Variants in SLC24A3 observed in about 807,000 individuals in gnomAD.
SLC24A3 encodes sodium/potassium/calcium exchanger 3.
A neutral mutation model predicts 75.8 loss-of-function variants in SLC24A3; 28 were observed. That is an observed-to-expected ratio of 0.37 (90% CI 0.27 to 0.51). SLC24A3 has a LOEUF of 0.51. Among genes scored for constraint, SLC24A3 ranks in the 20% least tolerant of loss-of-function variants. The pLI, the probability that SLC24A3 is intolerant of heterozygous loss-of-function variation, is 0.94. For missense variants in SLC24A3, 663 were observed against 847.8 expected, an observed-to-expected ratio of 0.78 and a Z score of 2.71; for synonymous variants, 372 against 334.1, an observed-to-expected ratio of 1.11 and a Z score of -1.24.
chr20:19,377,732 C>T (rs1046870343), intron 2 of SLC24A3, among the ~76,000 whole-genome samples: 1 of 152,206 alleles, frequency 6.6e-6, no homozygotes, highest in African/African-American at 2.4e-5. Flanking sequence ...TCAGTCAGTT[C>T]ATTTCAAAAG....
chr20:19,471,119 G>A (rs769571408), intron 2 of SLC24A3, among the ~76,000 whole-genome samples: 71 of 152,262 alleles, frequency 4.7e-4, no homozygotes, highest in Middle Eastern at 3.4e-3. Flanking sequence ...TGACGTTTTG[G>A]GGTAGAGATG....
intron 2 of SLC24A3, among the ~76,000 whole-genome samples, chr20:19,375,818 T>C (rs2122363690): frequency 6.6e-6 from 1 of 152,276 alleles, no homozygotes; most frequent in East Asian, 1.9e-4. Flanking sequence ...GCCTTGAAAA[T>C]CAGAGAAGCT....
intron 2 of SLC24A3, among the ~76,000 whole-genome samples, chr20:19,343,937 C>G (rs112776521): frequency 3.6e-4 from 55 of 152,222 alleles, no homozygotes; most frequent in African/African-American, 1.3e-3. Flanking sequence ...TTTTCTAAAG[C>G]CATCGGGTGA....
At chr20:19,696,940 AGG>A in intron 14 of SLC24A3, 29 bp downstream of exon 14, 1 of 558,914 alleles carries the variant, frequency 1.8e-6, no homozygotes. Flanking sequence ...ATGGGGAAGG[AGG>A]GAGGGAGGGA....
At chr20:19,712,768 T>C (rs547055512) in intron 15 of SLC24A3, among the ~76,000 whole-genome samples, 2 of 152,350 alleles carry the variant, frequency 1.3e-5, no homozygotes, top group East Asian at 1.9e-4. Flanking sequence ...AACAGGAGCA[T>C]AATTAAACAC....
chr20:19,697,022 G>A, intron 14 of SLC24A3, 111 bp downstream of exon 14: 1 of 560,954 alleles, frequency 1.8e-6, no homozygotes, highest in Non-Finnish European at 3.2e-6. Context: ...GAGAAAGGGA[G>A]GGAGAAGAGA....
At chr20:19,425,552 C>T (rs1181902058) in intron 2 of SLC24A3, among the ~76,000 whole-genome samples, 1 of 152,176 alleles carries the variant, frequency 6.6e-6, no homozygotes, top group Admixed American at 6.5e-5. Context: ...CCCGTTGCAT[C>T]GGTTCCAGAG....
chr20:19,447,514 G>T (rs1211806603), intron 2 of SLC24A3, among the ~76,000 whole-genome samples: 1 of 152,060 alleles, frequency 6.6e-6, no homozygotes, highest in East Asian at 1.9e-4. Flanking sequence ...TTGTTCAATA[G>T]AATAAAGTGG....
intron 2 of SLC24A3, among the ~76,000 whole-genome samples, chr20:19,360,354 C>G (rs943544916): frequency 6.6e-6 from 1 of 152,238 alleles, no homozygotes; most frequent in Non-Finnish European, 1.5e-5. Context: ...CTGTGAATAT[C>G]TCAAAACTTT....
chr20:19,341,261 A>T (rs1985266802), intron 2 of SLC24A3, among the ~76,000 whole-genome samples: 1 of 152,216 alleles, frequency 6.6e-6, no homozygotes, highest in Non-Finnish European at 1.5e-5. Flanking sequence ...AGAAGTTCTC[A>T]GGGGCTTGTG....
At chr20:19,289,019 A>C (rs530677454) in intron 2 of SLC24A3, among the ~76,000 whole-genome samples, 1 of 152,244 alleles carries the variant, frequency 6.6e-6, no homozygotes, top group Admixed American at 6.5e-5. Context: ...AGGCTCTGTG[A>C]CAGTTGCCTC....
intron 7 of SLC24A3, among the ~76,000 whole-genome samples, chr20:19,664,172 G>A (rs1462898807): frequency 1.3e-5 from 2 of 152,158 alleles, no homozygotes; most frequent in East Asian, 1.9e-4. Flanking sequence ...TCAATTAATA[G>A]AAAATGTTTT....
intron 2 of SLC24A3, among the ~76,000 whole-genome samples, chr20:19,495,534 A>G (rs929838471): frequency 1.3e-4 from 20 of 152,210 alleles, no homozygotes; most frequent in African/African-American, 4.8e-4. Flanking sequence ...CAGGCTTGTT[A>G]AAATATTAGA....
chr20:19,329,174 T>C (rs945328961), intron 2 of SLC24A3, among the ~76,000 whole-genome samples: 2 of 152,108 alleles, frequency 1.3e-5, no homozygotes, highest in Non-Finnish European at 2.9e-5. Context: ...TCTTTTTAGT[T>C]TTGCTACAGA....
At chr20:19,490,263 A>G (rs748109016) in intron 2 of SLC24A3, among the ~76,000 whole-genome samples, 2 of 152,152 alleles carry the variant, frequency 1.3e-5, no homozygotes, top group Non-Finnish European at 2.9e-5. Flanking sequence ...CATGGCCCCT[A>G]GGGAATTGAA....
At chr20:19,264,153 CCT>C (rs1983084628) in intron 1 of SLC24A3, 2 of 143,132 alleles carry the variant, frequency 1.4e-5, no homozygotes, top group Admixed American at 1.5e-4. Flanking sequence ...AAAGCAAGAC[CCT>C]GTCAAAAAAA....
At chr20:19,293,265 G>A (rs116623213) in intron 2 of SLC24A3, among the ~76,000 whole-genome samples, 1,862 of 152,240 alleles carry the variant, frequency 0.012, 43 homozygotes, top group African/African-American at 0.043. Flanking sequence ...TAACGCAGCT[G>A]CACCTCCCCA....
chr20:19,395,218 A>G (rs75258067), intron 2 of SLC24A3, among the ~76,000 whole-genome samples: 9 of 152,224 alleles, frequency 5.9e-5, no homozygotes, highest in Non-Finnish European at 1.0e-4. Flanking sequence ...TGTAATGGTC[A>G]TAGAGTTTCA....
chr20:19,433,662 A>G (rs1987143531), intron 2 of SLC24A3, among the ~76,000 whole-genome samples: 1 of 152,248 alleles, frequency 6.6e-6, no homozygotes, highest in African/African-American at 2.4e-5. Flanking sequence ...TAGAAAATGT[A>G]AAGTATGGTA....
Sources: gnomAD v4.1 joint callset for allele counts (sites outside exome capture counted in the v4.1 genomes callset) on GRCh38, gnomAD v4.1.1 for gene constraint, MANE v1.5 for transcripts, NCBI Gene and HGNC (gene_info 2026-07-23, HGNC 2026-07-21) for gene names.